FUBP3: variants seen among roughly 807,000 people sequenced by gnomAD.
FUBP3 encodes far upstream element binding protein 3, also known as far upstream element-binding protein 3.
Under a neutral mutation model 85.6 loss-of-function variants are expected in FUBP3, and 28 were observed. The ratio of observed to expected loss-of-function variants is 0.33; its 90% CI spans 0.24 to 0.45. The LOEUF is 0.45. Among genes scored for constraint, FUBP3 ranks in the 20% least tolerant of loss-of-function variants. The probability of loss-of-function intolerance (pLI) is 1.00; values close to 1 mark genes in which losing one functional copy is unlikely to be tolerated. For missense variants in FUBP3, 583 were observed against 755.1 expected (o/e 0.77, Z 2.67); for synonymous variants, 271 against 271.4 (o/e 1.00, Z 0.01).
At chr9:130,626,809 G>A (rs933323189) in intron 12 of FUBP3, among the ~76,000 whole-genome samples, 3 of 152,152 alleles carry the variant, frequency 2.0e-5, no homozygotes, top group Non-Finnish European at 1.5e-5. Flanking sequence ...AAGATGGGGG[G>A]CATTTGTCAA....
chr9:130,597,714 C>T (rs369326780), intron 2 of FUBP3, among the ~76,000 whole-genome samples: 2 of 152,192 alleles, frequency 1.3e-5, no homozygotes, highest in African/African-American at 4.8e-5. Flanking sequence ...AAATTCTACA[C>T]GTGGAGAACA....
intron 1 of FUBP3, chr9:130,580,518 TA>T (rs1264553739): frequency 1.3e-5 from 2 of 152,252 alleles, no homozygotes; most frequent in Non-Finnish European, 2.9e-5. Flanking sequence ...CATTTGTATC[TA>T]AAACTTACTT....
At chr9:130,634,348 A>T (rs1487366395) in intron 16 of FUBP3, among the ~76,000 whole-genome samples, 1 of 152,168 alleles carries the variant, frequency 6.6e-6, no homozygotes, top group Admixed American at 6.5e-5. Context: ...CAGCCTCTGG[A>T]GTCTTTGTCC....
At chr9:130,617,099 T>C (rs1224962053) in intron 7 of FUBP3, among the ~76,000 whole-genome samples, 1 of 152,232 alleles carries the variant, frequency 6.6e-6, no homozygotes, top group East Asian at 1.9e-4. Context: ...TTTCAGAATT[T>C]AACACTCCCA....
In FUBP3 at chr9:130,631,949, C is replaced by T. The variant is rs1427683598; in HGVS notation, c.1360C>T (p.Pro454Ser). Residue 454 changes from proline (P) to serine (S), a missense_variant, in exon 15 of 19, where the codon CCT (proline) becomes TCT (serine). Transcript: ENST00000319725. ...TCTTTTACCTTTTCCCAGTACCTTTCCTCCAAGGAGCTCCGGGTGCTTCCC... is the reference window on the plus strand; with the variant it reads ...TCTTTTACCTTTTCCCAGTACCTTTTCTCCAAGGAGCTCCGGGTGCTTCCC... ...PPAPPHQNTF[P>S]PRSSGCFPNM... 1.2e-6 allele frequency: 2 copies of T among 1,611,172 alleles called. No individual in the cohort carries two copies. Among genetic ancestry groups the T allele is most frequent in the African/African-American group, 1.3e-5 (1 of 74,912 alleles).
Position 130,616,523 on chromosome 9 carries a change from TGAGCCCG to T in FUBP3, c.567+11_567+17del, listed in dbSNP as rs751333274. On this transcript the variant is annotated splice_region_variant and intron_variant, in intron 7 of 18. Transcript: ENST00000319725. The surrounding 1 kb of genome is among the most constrained non-coding windows in gnomAD (Gnocchi z 4.7). ...AAACAATCAAGCAGTTGCAGGTGTG[TGAGCCCG>T]GAGCACGGAGCACAGCGGCCGCTCG... The T allele has an allele frequency of 8.1e-6, 13 of 1,613,792 alleles. No homozygotes were observed. The highest frequency in any genetic ancestry group is 5.3e-5 in the African/African-American group (4 of 74,904).
In FUBP3 at chr9:130,637,806, A is replaced by G. The variant is rs1256522009; in HGVS notation, c.*784A>G. 6.6e-6 allele frequency: 1 copy of G among 152,610 alleles called. No homozygotes were observed. The highest frequency in any genetic ancestry group is 1.9e-4 in the East Asian group (1 of 5,206). The allele number at this position is 152,610 out of a possible 1,614,324, so 9.5% of individuals were successfully genotyped here. On this transcript the variant is annotated 3_prime_UTR_variant, in exon 19 of 19. Transcript: ENST00000319725. ...TCTCTATTATCTCAGAAATATAAAT[A>G]CTGTTATTTTTAATATTAAGAAATT...
chr9:130,608,621 G>A (rs1208112495), intron 2 of FUBP3, among the ~76,000 whole-genome samples: 2 of 152,140 alleles, frequency 1.3e-5, no homozygotes, highest in African/African-American at 2.4e-5. Flanking sequence ...AAACAGATAG[G>A]CAAAGAGAAA....
At chr9:130,628,845 C>T (rs1830098348) in intron 12 of FUBP3, among the ~76,000 whole-genome samples, 1 of 152,168 alleles carries the variant, frequency 6.6e-6, no homozygotes, top group African/African-American at 2.4e-5. Flanking sequence ...TCATGGCTCA[C>T]TGCAACCTCC....
intron 12 of FUBP3, among the ~76,000 whole-genome samples, chr9:130,630,323 C>T (rs1436231735): frequency 6.6e-6 from 1 of 152,236 alleles, no homozygotes; most frequent in Non-Finnish European, 1.5e-5. Context: ...CCACAGGCCT[C>T]AGCCCAGACC....
At position 130,631,543 on chromosome 9, in the gene FUBP3, C is replaced by G. The variant is rs368451098; in HGVS notation, c.1279-14C>G. 6.2e-7 allele frequency: 1 copy of G among 1,609,266 alleles called. No homozygotes were observed. Among genetic ancestry groups the G allele is most frequent in the Non-Finnish European group, 8.5e-7 (1 of 1,175,572 alleles). On this transcript the variant is annotated splice_polypyrimidine_tract_variant and intron_variant, in intron 13 of 18. Transcript: ENST00000319725. ...AACCAACAGCGGGTGAGAGCTCCCT[C>G]TGTGCCCCCACAGGGGACCAATCTC... is the stretch of plus-strand genomic sequence containing the variant.
At chr9:130,631,702 A>C (rs1830217687) in intron 14 of FUBP3, 72 bp downstream of exon 14, 8 of 1,270,122 alleles carry the variant, frequency 6.3e-6, no homozygotes, top group Non-Finnish European at 9.1e-6. Context: ...GTTTCCAGCT[A>C]CTTCTAGCGA....
In FUBP3 at chr9:130,630,694, C is replaced by T; in HGVS notation, c.1184C>T (p.Pro395Leu). The T allele has an allele frequency of 6.3e-7, 1 of 1,597,648 alleles. No individual in the cohort carries two copies. Among genetic ancestry groups the T allele is most frequent in the Non-Finnish European group, 8.5e-7 (1 of 1,172,746 alleles). ...GAHVELQRNP[P>L]PNSDPNLRRF... ...CACGTGGAGCTTCAGAGGAACCCCCCTCCCAACAGCGACCCCAACCTGCGG... is the reference window on the plus strand; with the variant it reads ...CACGTGGAGCTTCAGAGGAACCCCCTTCCCAACAGCGACCCCAACCTGCGG... The change falls in exon 13 of 19, where the codon CCT becomes CTT. Residue 395 changes from proline (P) to leucine (L), a missense_variant. Pro to Leu is a moderately conservative substitution (Grantham distance 98). Coordinates refer to ENST00000319725, the MANE Select transcript of FUBP3 (RefSeq NM_003934.2).
chr9:130,606,548 C>G (rs145920874), intron 2 of FUBP3, among the ~76,000 whole-genome samples: 8 of 152,042 alleles, frequency 5.3e-5, no homozygotes, highest in Admixed American at 2.6e-4. Context: ...TGGCCGGGCG[C>G]GGTGGCTCAC....
intron 5 of FUBP3, 128 bp from the exon 6 acceptor site, chr9:130,614,158 CTG>C (rs1831885014): frequency 3.5e-6 from 2 of 571,240 alleles, no homozygotes; most frequent in Non-Finnish European, 6.4e-6. Context: ...TGGAAGCAAA[CTG>C]TCTTTTTCTG....
chr9:130,618,344 T>G (rs550588677), intron 8 of FUBP3, among the ~76,000 whole-genome samples: 2 of 152,330 alleles, frequency 1.3e-5, no homozygotes, highest in South Asian at 2.1e-4. Context: ...TGCTTGGCGT[T>G]TACTTGCTCG....
At chr9:130,608,689 G>A (rs1378803850) in intron 2 of FUBP3, among the ~76,000 whole-genome samples, 3 of 152,208 alleles carry the variant, frequency 2.0e-5, no homozygotes, top group African/African-American at 7.2e-5. Flanking sequence ...GATTAATAGT[G>A]TCTAGTGTCA....
At chr9:130,601,203 A>G (rs566618957) in intron 2 of FUBP3, among the ~76,000 whole-genome samples, 3 of 152,170 alleles carry the variant, frequency 2.0e-5, no homozygotes, top group East Asian at 3.9e-4. Context: ...AGGGAAGTAT[A>G]TAGAGAGTAC....
At chr9:130,626,053 T>A (rs1286752282) in intron 11 of FUBP3, among the ~76,000 whole-genome samples, 1 of 152,078 alleles carries the variant, frequency 6.6e-6, no homozygotes, top group African/African-American at 2.4e-5. Context: ...CGGGGCCCAG[T>A]GAGGAAAGCT....
Sources: gnomAD v4.1 joint callset for allele counts (sites outside exome capture counted in the v4.1 genomes callset) on GRCh38, gnomAD v4.1.1 for gene constraint, Gnocchi (gnomAD v3.1) non-coding constraint, MANE v1.5 for transcripts, NCBI Gene and HGNC (gene_info 2026-07-23, HGNC 2026-07-21) for gene names.